UPP2: variants seen among roughly 807,000 people sequenced by gnomAD.
The protein encoded by UPP2 is uridine phosphorylase 2, also known as UPase 2.
A neutral mutation model predicts 26.7 loss-of-function variants in UPP2; 23 were observed. The ratio of observed to expected loss-of-function variants is 0.86; its 90% CI spans 0.62 to 1.22. The LOEUF is 1.22. UPP2 is among the 50% of genes most tolerant of loss of function. The pLI is 0.00. For missense variants in UPP2, 387 were observed against 396.7 expected (o/e 0.98, Z 0.21); for synonymous variants, 127 against 141.3 (o/e 0.90, Z 0.72).
intron 2 of UPP2, among the ~76,000 whole-genome samples, chr2:158,003,249 G>A (rs370458537): frequency 2.6e-5 from 4 of 152,142 alleles, no homozygotes; most frequent in African/African-American, 9.7e-5. Context: ...GGAGGTTGTA[G>A]GGGGTGAGAG....
chr2:157,995,950 C>T (rs916740732), intron 2 of UPP2, among the ~76,000 whole-genome samples: 1 of 152,126 alleles, frequency 6.6e-6, no homozygotes, highest in African/African-American at 2.4e-5. Flanking sequence ...CATATACACT[C>T]ATAAGACCCT....
chr2:158,014,565 T>C (rs1395749080), intron 2 of UPP2, among the ~76,000 whole-genome samples: 1 of 152,212 alleles, frequency 6.6e-6, no homozygotes, highest in African/African-American at 2.4e-5. Flanking sequence ...AGAAATGTGT[T>C]TCTGAAAATA....
intron 3 of UPP2, among the ~76,000 whole-genome samples, chr2:158,016,678 C>T (rs555319037): frequency 3.0e-4 from 45 of 152,192 alleles, no homozygotes; most frequent in African/African-American, 1.0e-3. Context: ...ATCCCGTCTT[C>T]CTCTGGAATT....
intron 3 of UPP2, among the ~76,000 whole-genome samples, chr2:158,115,735 T>C (rs1024042831): frequency 6.6e-6 from 1 of 152,192 alleles, no homozygotes; most frequent in Non-Finnish European, 1.5e-5. Context: ...ATGTGAACAG[T>C]TATGGAAGCA....
chr2:158,006,038 G>A (rs13431782), intron 2 of UPP2, among the ~76,000 whole-genome samples: 5,260 of 152,252 alleles, frequency 0.035, 127 homozygotes, highest in African/African-American at 0.07. Flanking sequence ...ACCCCAAAGC[G>A]CATTCCCCTT....
chr2:158,044,366 A>G (rs1684121999), intron 3 of UPP2, among the ~76,000 whole-genome samples: 1 of 152,090 alleles, frequency 6.6e-6, no homozygotes, highest in Non-Finnish European at 1.5e-5. Context: ...TCCAACTTAC[A>G]ATGACTGGGA....
intron 2 of UPP2, among the ~76,000 whole-genome samples, chr2:158,109,905 T>G (rs1279216548): frequency 6.6e-6 from 1 of 152,204 alleles, no homozygotes; most frequent in African/African-American, 2.4e-5. Context: ...GGAAATAGTT[T>G]GAACTGAGGA....
In UPP2 at chr2:158,069,007, C is replaced by T. The variant is rs186657889; in HGVS notation, c.148-33033C>T. Among the ~76,000 whole-genome samples the T allele has an allele frequency of 3.5e-3, 533 of 150,346 alleles. 1 individual carries two copies. Among genetic ancestry groups the T allele is most frequent in the African/African-American group, 0.012 (484 of 40,902 alleles). Reference sequence around the variant, plus strand: ...TAATTTTTTGTATTTTTAGTAGAGACGAGGTTTCACTGTGTTAGCCAGGAT... The same window carrying T: ...TAATTTTTTGTATTTTTAGTAGAGATGAGGTTTCACTGTGTTAGCCAGGAT... On this transcript the variant is annotated intron_variant, in intron 3 of 9. Transcript: ENST00000605860.
At chr2:158,104,980 GAGAAGGGAA>G (rs1378361301) in intron 1 of UPP2, among the ~76,000 whole-genome samples, 2 of 54,502 alleles carry the variant, frequency 3.7e-5, no homozygotes, top group African/African-American at 2.4e-4. Context: ...GGGAAGGGAA[GAGAAGGGAA>G]GGGAAGGGAG....
rs76545019 is a variant in UPP2 at position 158,119,413 on chromosome 2, A to G, written c.454+1475A>G. Reference sequence around the variant, plus strand: ...CTCATTAAGAACTCTTAGCTTACCAAAAAGATGTATTTGCTTATTTTCTTT... The same window carrying G: ...CTCATTAAGAACTCTTAGCTTACCAGAAAGATGTATTTGCTTATTTTCTTT... On this transcript the variant is annotated intron_variant, in intron 4 of 6. Transcript: ENST00000005756. Among the ~76,000 whole-genome samples the G allele has an allele frequency of 6.7e-3, 1,014 of 152,160 alleles. 18 individuals carry two copies. Among genetic ancestry groups the G allele is most frequent in the Non-Finnish European group, 0.012 (811 of 67,938 alleles).
Position 158,121,036 on chromosome 2 carries a change from G to T in UPP2, c.455-373G>T, listed in dbSNP as rs58951898. On this transcript the variant is annotated intron_variant, in intron 4 of 6. Transcript: ENST00000005756. ...AAGAAATTACAGTAATCAAGAAGTCGCAGAGAAGATTAAATATTAAGAAGT... is the reference window on the plus strand; with the variant it reads ...AAGAAATTACAGTAATCAAGAAGTCTCAGAGAAGATTAAATATTAAGAAGT... 7.9e-3 allele frequency among the ~76,000 whole-genome samples: 1,203 copies of T among 152,070 alleles called. 14 individuals are homozygous for T. The highest frequency in any genetic ancestry group is 0.027 in the African/African-American group (1,139 of 41,506).
At chr2:158,063,846 G>A (rs975267420) in intron 3 of UPP2, among the ~76,000 whole-genome samples, 6 of 152,144 alleles carry the variant, frequency 3.9e-5, no homozygotes, top group African/African-American at 1.4e-4. Context: ...AACATATGGT[G>A]TTTGGTTTTC....
intron 3 of UPP2, among the ~76,000 whole-genome samples, chr2:158,085,834 GCATCCCTGGTATGAAAC>G (rs1341559188): frequency 2.0e-5 from 3 of 151,908 alleles, no homozygotes; most frequent in Non-Finnish European, 4.4e-5. Context: ...AACCATCCCT[GCATCCCTGGTATGAAAC>G]CCACTTGTCA....
At chr2:158,124,775 C>T (rs1461618741) in intron 6 of UPP2, among the ~76,000 whole-genome samples, 1 of 152,162 alleles carries the variant, frequency 6.6e-6, no homozygotes, top group Non-Finnish European at 1.5e-5. Context: ...TTAAAAATGA[C>T]TCCCATGTTT....
rs193106566 is a variant in UPP2, at chr2:158,018,870, G to C, written c.147+2984G>C. On this transcript the variant is annotated intron_variant, in intron 3 of 9. Transcript: ENST00000605860. Reference sequence around the variant, plus strand: ...ATATGCTTAACAGCTCCCAGATGTCGAAGGAGCCAAGAAACTAAAGGAGGT... The same window carrying C: ...ATATGCTTAACAGCTCCCAGATGTCCAAGGAGCCAAGAAACTAAAGGAGGT... 1.7e-3 allele frequency among the ~76,000 whole-genome samples: 260 copies of C among 152,132 alleles called. 1 individual carries two copies. Among genetic ancestry groups the C allele is most frequent in the Non-Finnish European group, 2.4e-3 (161 of 67,992 alleles).
At chr2:158,094,316 A>G (rs10178987) in intron 3 of UPP2, among the ~76,000 whole-genome samples, 4,075 of 152,220 alleles carry the variant, frequency 0.027, 183 homozygotes, top group African/African-American at 0.09. Flanking sequence ...GGCATCTAAT[A>G]TATCTGTACC....
intron 4 of UPP2, among the ~76,000 whole-genome samples, chr2:158,120,040 T>A (rs959353885): frequency 1.3e-4 from 19 of 150,372 alleles, no homozygotes; most frequent in African/African-American, 3.9e-4. Flanking sequence ...AAAAATAAAT[T>A]AAAAAAAAAT....
At chr2:158,124,907 G>A (rs1390230612) in intron 6 of UPP2, among the ~76,000 whole-genome samples, 1 of 152,180 alleles carries the variant, frequency 6.6e-6, no homozygotes, top group Non-Finnish European at 1.5e-5. Flanking sequence ...TATGAATCTG[G>A]AGTTTAGGTT....
intron 3 of UPP2, among the ~76,000 whole-genome samples, chr2:158,095,627 C>G (rs2105205637): frequency 6.6e-6 from 1 of 152,266 alleles, no homozygotes; most frequent in East Asian, 1.9e-4. Context: ...TTTAACCTCT[C>G]TAGGCTTCCA....
Sources: gnomAD v4.1 joint callset for allele counts (sites outside exome capture counted in the v4.1 genomes callset) on GRCh38, gnomAD v4.1.1 for gene constraint, MANE v1.5 for transcripts, NCBI Gene and HGNC (gene_info 2026-07-23, HGNC 2026-07-21) for gene names.